The following NR3C1 variants were observed in gnomAD, a reference collection of about 807,000 sequenced individuals.
NR3C1 encodes glucocorticoid receptor.
A neutral mutation model predicts 74.0 loss-of-function variants in NR3C1; 14 were observed. That is an observed-to-expected ratio of 0.19 (90% CI 0.12 to 0.30). The LOEUF (loss-of-function observed/expected upper bound fraction) is 0.30. NR3C1 is among the 10% of genes least tolerant of loss of function. NR3C1 has a pLI of 1.00. For synonymous variants in NR3C1, 308 were observed against 332.5 expected, an observed-to-expected ratio of 0.93 and a Z score of 0.80; for missense variants, 695 against 909.8, an observed-to-expected ratio of 0.76 and a Z score of 3.04.
At chr5:143,360,715 G>A (rs1832073358) in intron 2 of NR3C1, among the ~76,000 whole-genome samples, 1 of 152,106 alleles carries the variant, frequency 6.6e-6, no homozygotes, top group Admixed American at 6.5e-5. Flanking sequence ...ACTTAATAAA[G>A]CATTAAGGAC....
chr5:143,382,988 T>C (rs1331367090), intron 2 of NR3C1, among the ~76,000 whole-genome samples: 1 of 152,248 alleles, frequency 6.6e-6, no homozygotes, highest in East Asian at 1.9e-4. Flanking sequence ...AAGGTCTGCC[T>C]GTCTTTGGGC....
chr5:143,326,864 GA>G lies in NR3C1; in HGVS notation c.1185-12697del, dbSNP rs10482652. ...TGAATAGATTTATATCTATTAACTA[GA>G]AAAAAGTATAGGCATAAATTAACAT... On this transcript the variant is annotated intron_variant, in intron 2 of 8. Coordinates refer to ENST00000394464, the MANE Select transcript of NR3C1 (RefSeq NM_000176.3). Among the ~76,000 whole-genome samples, 820 of 152,236 alleles carry G rather than the reference GA, an allele frequency of 5.4e-3. 12 individuals are homozygous for G. The highest frequency in any genetic ancestry group is 0.019 in the African/African-American group (803 of 41,538).
intron 2 of NR3C1, among the ~76,000 whole-genome samples, chr5:143,384,383 CG>C (rs1222923817): frequency 6.6e-6 from 1 of 152,164 alleles, no homozygotes; most frequent in Non-Finnish European, 1.5e-5. Flanking sequence ...CAATAGTCCC[CG>C]GAAGTCTTAA....
At chr5:143,287,512 A>G (rs994453317) in intron 7 of NR3C1, among the ~76,000 whole-genome samples, 7 of 152,156 alleles carry the variant, frequency 4.6e-5, no homozygotes, top group African/African-American at 1.7e-4. Context: ...AAATAAGCAA[A>G]TAATTAAAAA....
intron 7 of NR3C1, among the ~76,000 whole-genome samples, chr5:143,285,359 GC>G (rs1814158477): frequency 6.6e-6 from 1 of 152,104 alleles, no homozygotes; most frequent in South Asian, 2.1e-4. Context: ...GGGATATTTG[GC>G]AATGTCAGAG....
rs970762760 is a variant in NR3C1, at chr5:143,432,659, G to T, written c.-14+1873C>A. 6.6e-5 allele frequency among the ~76,000 whole-genome samples: 10 copies of T among 152,166 alleles called. No individual in the cohort carries two copies. In the South Asian group the frequency reaches 1.2e-3, roughly 19 times the overall value. ...GCCAAAGGGGCTATTAAAGCGTACG[G>T]TTCCCCATGAATTCAATGTTTTTCT... is the stretch of plus-strand genomic sequence containing the variant. On this transcript the variant is annotated intron_variant, in intron 1 of 8. Coordinates refer to the NR3C1 transcript ENST00000343796.
intron 2 of NR3C1, among the ~76,000 whole-genome samples, chr5:143,354,904 C>CA (rs1830854174): frequency 1.6e-5 from 2 of 123,636 alleles, no homozygotes; most frequent in Admixed American, 1.9e-4. Context: ...GCCTGGGTGA[C>CA]AGAGCAAAAG....
chr5:143,322,930 G>A (rs543194088), intron 2 of NR3C1, among the ~76,000 whole-genome samples: 3 of 152,238 alleles, frequency 2.0e-5, no homozygotes, highest in Admixed American at 6.5e-5. Flanking sequence ...TCACACTCAG[G>A]TCCCTACATA....
At chr5:143,388,210 C>T (rs1210063110) in intron 2 of NR3C1, among the ~76,000 whole-genome samples, 4 of 152,132 alleles carry the variant, frequency 2.6e-5, no homozygotes, top group Admixed American at 2.6e-4. Flanking sequence ...AATTTAGAGA[C>T]TGTCAATTGA....
intron 1 of NR3C1, among the ~76,000 whole-genome samples, chr5:143,410,713 A>T (rs1317833052): frequency 1.3e-5 from 2 of 152,194 alleles, no homozygotes; most frequent in African/African-American, 4.8e-5. Flanking sequence ...AACGTTTTTA[A>T]ACACTAAGCT....
At chr5:143,412,271 GA>G (rs1841319347) in intron 1 of NR3C1, among the ~76,000 whole-genome samples, 4 of 136,376 alleles carry the variant, frequency 2.9e-5, no homozygotes, top group South Asian at 2.7e-4. Context: ...TGCAGGGGGG[GA>G]GGGGGGAGGG....
exon 1 of NR3C1, chr5:143,435,082 G>A (rs1420484096): frequency 1.0e-6 from 1 of 985,250 alleles, no homozygotes; most frequent in African/African-American, 1.7e-5. Flanking sequence ...CAACATGTGA[G>A]GTCTGATGCT....
intron 2 of NR3C1, among the ~76,000 whole-genome samples, chr5:143,395,718 G>C (rs1839064321): frequency 6.6e-6 from 1 of 151,896 alleles, no homozygotes; most frequent in Admixed American, 6.6e-5. Flanking sequence ...CTCAGACCTT[G>C]TCTAAGCTTA....
At chr5:143,403,750 A>G, upstream of NR3C1, 2 of 984,256 alleles carry the variant, frequency 2.0e-6, no homozygotes, top group Non-Finnish European at 2.4e-6. Flanking sequence ...TCCCCGCCCG[A>G]GGGGCCGCGC....
intron 2 of NR3C1, among the ~76,000 whole-genome samples, chr5:143,374,682 C>T (rs1314138558): frequency 6.6e-6 from 1 of 151,980 alleles, no homozygotes; most frequent in East Asian, 1.9e-4. Flanking sequence ...CTTCAAAGCA[C>T]AGTGAGTCAA....
chr5:143,301,859 G>C (rs944328122), intron 4 of NR3C1, among the ~76,000 whole-genome samples: 2 of 152,026 alleles, frequency 1.3e-5, no homozygotes, highest in Non-Finnish European at 2.9e-5. Flanking sequence ...CAGATATGGT[G>C]GTGGGAACGA....
intron 2 of NR3C1, among the ~76,000 whole-genome samples, chr5:143,323,484 G>A (rs1161064914): frequency 2.0e-5 from 3 of 152,032 alleles, no homozygotes; most frequent in Non-Finnish European, 4.4e-5. Context: ...CCCACCCCCG[G>A]GTCCCTCCCA....
Position 143,279,342 on chromosome 5 carries a change from G to C in NR3C1, c.*2547C>G. 1.3e-6 allele frequency: 2 copies of C among 1,546,160 alleles called. No individual in the cohort carries two copies. The highest frequency in any genetic ancestry group is 1.7e-6 in the Non-Finnish European group (2 of 1,146,192). On this transcript the variant is annotated 3_prime_UTR_variant, in exon 9 of 9. Coordinates refer to ENST00000394464, the MANE Select transcript of NR3C1 (RefSeq NM_000176.3). ...TCTCATTGAGTTCTATTTTTTGAGC[G>C]CCAAGATTGTTGGGATGAAAATCAG...
chr5:143,299,850 C>G (rs567696095), intron 5 of NR3C1, among the ~76,000 whole-genome samples: 1 of 152,252 alleles, frequency 6.6e-6, no homozygotes, highest in African/African-American at 2.4e-5. Context: ...CTTAATAAAA[C>G]AAGGATGACA....
Sources: gnomAD v4.1 joint callset for allele counts (sites outside exome capture counted in the v4.1 genomes callset) on GRCh38, gnomAD v4.1.1 for gene constraint, MANE v1.5 for transcripts, NCBI Gene and HGNC (gene_info 2026-07-23, HGNC 2026-07-21) for gene names.